Variants in TRPM2 observed in about 807,000 individuals in gnomAD.
The protein encoded by TRPM2 is transient receptor potential cation channel subfamily M member 2, also known as estrogen-responsive element-associated gene 1 protein.
TRPM2 carries 161 observed loss-of-function variants against 174.0 expected under a neutral mutation model. That is an observed-to-expected ratio of 0.93 (90% confidence interval 0.81 to 1.05). The LOEUF is 1.05. TRPM2 is among the 50% of genes least tolerant of loss of function. TRPM2 has a pLI of 0.00. For synonymous variants in TRPM2, 954 were observed against 861.3 expected (o/e 1.11, Z -1.88); for missense variants, 2,057 against 2,038.0 (o/e 1.01, Z -0.18).
At chr21:44,417,231 A>T (rs111790362) in intron 20 of TRPM2, among the ~76,000 whole-genome samples, 30 of 58,122 alleles carry the variant, frequency 5.2e-4, no homozygotes, top group Admixed American at 1.1e-3. Context: ...AGTGGGCACA[A>T]GGGCGTGGCT....
rs1208690294 is a variant in TRPM2, at chr21:44,405,992, C to T, written c.2745C>T (p.Thr915=). The T allele has an allele frequency of 2.5e-6, 4 of 1,608,628 alleles. No individual in the cohort carries two copies. Among genetic ancestry groups the T allele is most frequent in the Non-Finnish European group, 3.4e-6 (4 of 1,179,774 alleles). ...GCCTCCGGCTCATGCACATTTTTAC[C>T]ATCAGTAAGACGCTGGGGCCCAAGA... is the stretch of plus-strand genomic sequence containing the variant. ...LFCLRLMHIF[T]ISKTLGPKII... Residue 915 remains threonine (T), a synonymous_variant, in exon 18 of 32, where the codon ACC becomes ACT. Coordinates refer to ENST00000397928, the MANE Select transcript of TRPM2 (RefSeq NM_003307.4).
At chr21:44,436,912 C>T (rs2051291299) in intron 28 of TRPM2, 150 bp from the exon 29 acceptor site, 1 of 629,924 alleles carries the variant, frequency 1.6e-6, no homozygotes, top group African/African-American at 1.8e-5. Flanking sequence ...CAGTCTTTTC[C>T]CTGGGGATGA....
At chr21:44,441,663 G>A in intron 31 of TRPM2, 29 bp from the exon 32 acceptor site, 1 of 1,590,834 alleles carries the variant, frequency 6.3e-7, no homozygotes, top group Non-Finnish European at 8.6e-7. Context: ...GGCTGGCGGG[G>A]AGGGTCAGCT....
chr21:44,396,344 C>G (rs1391797041), intron 12 of TRPM2, among the ~76,000 whole-genome samples: 8 of 3,636 alleles, frequency 2.2e-3, no homozygotes, highest in African/African-American at 5.6e-3. Flanking sequence ...GTGTGGAGGG[C>G]TGTGGAGGGA....
rs1364520869 is a variant in TRPM2, at chr21:44,401,707, C to T, written c.2348C>T (p.Thr783Ile). Reference sequence around the variant, plus strand: ...GAGAAGAGGCTGCAGGATGTGGGCACCCCCGCGGCCCGCGCCCGTGCCTTC... The same window carrying T: ...GAGAAGAGGCTGCAGGATGTGGGCATCCCCGCGGCCCGCGCCCGTGCCTTC... The part of the protein sequence containing the change: ...FREKRLQDVG[T>I]PAARARAFFT... Residue 783 changes from threonine to isoleucine, a missense_variant, in exon 16 of 32, where the codon ACC (threonine) becomes ATC (isoleucine). Physicochemically the swap from Thr to Ile is moderately conservative, Grantham distance 89 (BLOSUM62 -1). Coordinates refer to ENST00000397928, the MANE Select transcript of TRPM2 (RefSeq NM_003307.4). 24 of 1,613,074 alleles carry T rather than the reference C, an allele frequency of 1.5e-5. No homozygotes were observed. Among genetic ancestry groups the T allele is most frequent in the Non-Finnish European group, 1.9e-5 (23 of 1,179,874 alleles).
intron 17 of TRPM2, among the ~76,000 whole-genome samples, chr21:44,405,561 C>T (rs763394323): frequency 7.2e-5 from 11 of 152,164 alleles, no homozygotes; most frequent in Admixed American, 2.0e-4. Context: ...GCCGCTTTCT[C>T]CCTCTGCCTC....
chr21:44,361,810 G>A (rs892582245), intron 2 of TRPM2, among the ~76,000 whole-genome samples: 1 of 152,138 alleles, frequency 6.6e-6, no homozygotes, highest in African/African-American at 2.4e-5. Flanking sequence ...CTGGGCTCAG[G>A]TGATCCTCCC....
In TRPM2 at chr21:44,366,696, G is replaced by A. The variant is rs1030191625; in HGVS notation, c.424-58G>A. ...CCTCTCTGCATGGCCTGTGTGGGTC[G>A]GTGCTGTCCCTGACCACTGACACAC... On this transcript the variant is annotated intron_variant, in intron 3 of 31. Coordinates refer to ENST00000397928, the MANE Select transcript of TRPM2 (RefSeq NM_003307.4). This position sits in a 1 kb window ranked among gnomAD's most constrained non-coding sequence, Gnocchi z 6.0. 4 of 1,607,702 alleles carry A rather than the reference G, an allele frequency of 2.5e-6. No individual in the cohort carries two copies. The highest frequency in any genetic ancestry group is 3.3e-5 in the Admixed American group (2 of 59,932).
chr21:44,413,382 A>G (rs2050170313), intron 19 of TRPM2, among the ~76,000 whole-genome samples: 1 of 151,934 alleles, frequency 6.6e-6, no homozygotes, highest in African/African-American at 2.4e-5. Context: ...AGCTGGGATT[A>G]TAGGCGCCCG....
At chr21:44,384,673 G>A (rs2048972115) in intron 9 of TRPM2, among the ~76,000 whole-genome samples, 1 of 152,036 alleles carries the variant, frequency 6.6e-6, no homozygotes, top group Non-Finnish European at 1.5e-5. Context: ...CATGAACTTT[G>A]GGGAAAACAT....
intron 9 of TRPM2, among the ~76,000 whole-genome samples, chr21:44,387,698 C>T (rs1198220990): frequency 6.6e-6 from 1 of 150,712 alleles, no homozygotes; most frequent in Non-Finnish European, 1.5e-5. Context: ...TATAACTCAA[C>T]AATAAAAAAA....
rs1366435003 is a variant in TRPM2 at position 44,406,670 on chromosome 21, T to C, written c.2867T>C (p.Leu956Pro). The change falls in exon 19 of 32, where the codon CTC (leucine) becomes CCC (proline). Residue 956 changes from leucine (L) to proline (P), a missense_variant. Leu to Pro is a moderately conservative substitution (Grantham distance 98, BLOSUM62 -3). Transcript: ENST00000397928. Reference sequence around the variant, plus strand: ...TTCGGGGTGGCCAAGCAGGCCATCCTCATCCACAACGAGCGCCGGGTGGAC... The same window carrying C: ...TTCGGGGTGGCCAAGCAGGCCATCCCCATCCACAACGAGCGCCGGGTGGAC... ...VSFGVAKQAI[L>P]IHNERRVDWL... 2.5e-6 allele frequency: 4 copies of C among 1,610,740 alleles called. No individual in the cohort carries two copies. The African/African-American group carries it at 5.3e-5, about 22-fold the overall frequency.
rs1373260554 is a variant in TRPM2, at chr21:44,435,041, C to T, written c.3975-90C>T. 6.9e-6 allele frequency: 9 copies of T among 1,304,984 alleles called. No homozygotes were observed. The African/African-American group carries it at 7.3e-5, about 11-fold the overall frequency. 80.8% of individuals were successfully genotyped at this position (1,304,984 alleles called of 1,614,324 possible). Reference sequence around the variant, plus strand: ...TGTCCCGCTGTGCGCCGGCTCCTGACGCCCGCTGTCCCCTCTCAGTCCCCC... The same window carrying T: ...TGTCCCGCTGTGCGCCGGCTCCTGATGCCCGCTGTCCCCTCTCAGTCCCCC... On this transcript the variant is annotated intron_variant, in intron 27 of 31. Transcript: ENST00000397928.
At chr21:44,407,275 G>A (rs1022713036) in intron 19 of TRPM2, among the ~76,000 whole-genome samples, 3 of 143,210 alleles carry the variant, frequency 2.1e-5, no homozygotes, top group Admixed American at 1.4e-4. Flanking sequence ...GCATGTGCAC[G>A]CCAACACACC....
chr21:44,359,994 C>T (rs938283391), intron 2 of TRPM2, among the ~76,000 whole-genome samples: 4 of 152,108 alleles, frequency 2.6e-5, no homozygotes, highest in Admixed American at 2.6e-4. Context: ...GACCCGCCCA[C>T]CTCAGCCTCC....
intron 2 of TRPM2, among the ~76,000 whole-genome samples, chr21:44,357,394 A>G (rs554725094): frequency 6.6e-6 from 1 of 152,282 alleles, no homozygotes; most frequent in African/African-American, 2.4e-5. Flanking sequence ...GCCATCCCCC[A>G]TGCTCAGGGG....
In TRPM2 at chr21:44,418,580, G is replaced by A. The variant is rs560073108; in HGVS notation, c.3461+25G>A. 6.2e-6 allele frequency: 10 copies of A among 1,613,118 alleles called. No individual in the cohort carries two copies. The African/African-American group carries it at 1.3e-4, about 21-fold the overall frequency. Reference sequence around the variant, plus strand: ...AGTATGGGGGCTCCGGTGGGCCTGGGGGCGGGAAGCCTCTGGGGGACCTCC... The same window carrying A: ...AGTATGGGGGCTCCGGTGGGCCTGGAGGCGGGAAGCCTCTGGGGGACCTCC... On this transcript the variant is annotated intron_variant, in intron 22 of 31. Transcript: ENST00000397928.
chr21:44,415,186 G>A (rs148933701), intron 20 of TRPM2: 2 of 152,394 alleles, frequency 1.3e-5, no homozygotes, highest in African/African-American at 2.4e-5. Context: ...TTGCACACAC[G>A]TGTCCACCTC....
chr21:44,399,475 G>A lies in TRPM2; in HGVS notation c.2208+34G>A, dbSNP rs565214767. Reference sequence around the variant, plus strand: ...CCAAGAGCCCCTTCCAGAAACAGACGCCTGTGGTGCCTGCAGGGCGGACAC... The same window carrying A: ...CCAAGAGCCCCTTCCAGAAACAGACACCTGTGGTGCCTGCAGGGCGGACAC... On this transcript the variant is annotated intron_variant, in intron 14 of 31. Coordinates refer to ENST00000397928, the MANE Select transcript of TRPM2 (RefSeq NM_003307.4). The surrounding 1 kb of genome is among the most constrained non-coding windows in gnomAD (Gnocchi z 4.6). 74 of 1,592,030 alleles carry A rather than the reference G, an allele frequency of 4.6e-5. 1 individual carries two copies. The highest frequency in any genetic ancestry group is 1.1e-4 in the East Asian group (5 of 44,534).
Sources: gnomAD v4.1 joint callset for allele counts (sites outside exome capture counted in the v4.1 genomes callset) on GRCh38, gnomAD v4.1.1 for gene constraint, Gnocchi (gnomAD v3.1) non-coding constraint, MANE v1.5 for transcripts, NCBI Gene and HGNC (gene_info 2026-07-23, HGNC 2026-07-21) for gene names.